Variants in SLC22A15 observed in about 807,000 individuals in gnomAD.
The protein encoded by SLC22A15 is solute carrier family 22 member 15, also known as flipt 1.
A neutral mutation model predicts 62.7 loss-of-function variants in SLC22A15; 45 were observed. The ratio of observed to expected loss-of-function variants is 0.72; its 90% CI spans 0.56 to 0.92. The LOEUF is 0.92. Ranked by LOEUF, SLC22A15 falls within the 40% of genes least tolerant of loss-of-function variation. The pLI is 0.00. For missense variants in SLC22A15, 622 were observed against 665.6 expected (o/e 0.93, Z 0.72); for synonymous variants, 264 against 267.0 (o/e 0.99, Z 0.11).
intron 1 of SLC22A15, 109 bp downstream of exon 1, chr1:115,976,823 C>CA (rs1557865142): frequency 2.4e-6 from 2 of 845,290 alleles, no homozygotes; most frequent in Non-Finnish European, 3.6e-6. Flanking sequence ...CGAGGCTCTG[C>CA]AAACACCGAG....
intron 8 of SLC22A15, among the ~76,000 whole-genome samples, chr1:116,045,738 CAAAAAAAAAA>C (rs34360597): frequency 4.9e-5 from 5 of 101,704 alleles, no homozygotes; most frequent in Non-Finnish European, 7.4e-5. Context: ...GACTCCATCT[CAAAAAAAAAA>C]AAAAAAAAAG....
chr1:116,056,482 A>G (rs1658210939), intron 8 of SLC22A15, among the ~76,000 whole-genome samples: 1 of 151,272 alleles, frequency 6.6e-6, no homozygotes, highest in Non-Finnish European at 1.5e-5. Flanking sequence ...CATACTGCCC[A>G]AGGTAATTTA....
In SLC22A15 at chr1:116,027,307, C is replaced by T. The variant is rs148133538; in HGVS notation, c.728+285C>T. 215 of 557,076 alleles carry T rather than the reference C, an allele frequency of 3.9e-4. 3 individuals are homozygous for T. The highest frequency in any genetic ancestry group is 3.7e-3 in the African/African-American group (199 of 53,644). The allele number at this position is 557,076 out of a possible 1,614,324, so 34.5% of individuals were successfully genotyped here. The stretch of plus-strand genomic sequence containing the variant: ...AACCAATTGCTTTTTTAACCTAATA[C>T]CTCAACCTTAAAGGTCTTCAGACTG... On this transcript the variant is annotated intron_variant, in intron 5 of 11. Transcript: ENST00000369503.
At chr1:116,018,267 A>G (rs544628815) in intron 2 of SLC22A15, among the ~76,000 whole-genome samples, 7 of 152,166 alleles carry the variant, frequency 4.6e-5, no homozygotes, top group African/African-American at 1.7e-4. Context: ...ATCATGCTAT[A>G]TTTGTGTTTC....
intron 4 of SLC22A15, among the ~76,000 whole-genome samples, chr1:116,021,781 T>C (rs1010867923): frequency 1.3e-5 from 2 of 152,216 alleles, no homozygotes; most frequent in African/African-American, 2.4e-5. Context: ...ATTTTATGGA[T>C]GATGAAATTG....
chr1:116,029,439 C>T (rs943608683), intron 5 of SLC22A15, among the ~76,000 whole-genome samples: 1 of 152,094 alleles, frequency 6.6e-6, no homozygotes, highest in African/African-American at 2.4e-5. Context: ...ATGTAGAGGA[C>T]GGCATGTTCA....
chr1:115,982,890 C>T (rs1373981576), intron 1 of SLC22A15, among the ~76,000 whole-genome samples: 3 of 152,320 alleles, frequency 2.0e-5, no homozygotes, highest in South Asian at 2.1e-4. Flanking sequence ...TGTTTCTGCC[C>T]TCTTGCTAGG....
At chr1:116,058,335 A>G (rs114891221) in intron 8 of SLC22A15, among the ~76,000 whole-genome samples, 2,756 of 152,324 alleles carry the variant, frequency 0.018, 35 homozygotes, top group Middle Eastern at 0.065. Flanking sequence ...TCAAAAGAAG[A>G]TATACAGATG....
At chr1:116,010,292 G>C (rs1314431575) in intron 2 of SLC22A15, among the ~76,000 whole-genome samples, 1 of 152,168 alleles carries the variant, frequency 6.6e-6, no homozygotes, top group Non-Finnish European at 1.5e-5. Flanking sequence ...TTGAAGAGCT[G>C]AAATTGACTG....
intron 1 of SLC22A15, among the ~76,000 whole-genome samples, chr1:115,980,421 T>G (rs1654554689): frequency 1.3e-5 from 2 of 152,124 alleles, no homozygotes; most frequent in South Asian, 2.1e-4. Flanking sequence ...ATAACAAAAG[T>G]TAGAACCACC....
chr1:115,987,943 T>C (rs1402517830), intron 1 of SLC22A15, among the ~76,000 whole-genome samples: 1 of 152,220 alleles, frequency 6.6e-6, no homozygotes, highest in East Asian at 1.9e-4. Context: ...GATGAGATAA[T>C]TTATAGGAGA....
rs1654963079 is a variant in SLC22A15, at chr1:115,988,098, A to G, written c.88-3933A>G. On this transcript the variant is annotated intron_variant, in intron 1 of 11. Coordinates refer to ENST00000369503, the MANE Select transcript of SLC22A15 (RefSeq NM_018420.3). Reference sequence around the variant, plus strand: ...TTTTTCTAATTATAATTACATTGAAAGGGGGAAAAAAATCCAGCCATCTGT... The same window carrying G: ...TTTTTCTAATTATAATTACATTGAAGGGGGGAAAAAAATCCAGCCATCTGT... Among the ~76,000 whole-genome samples the G allele has an allele frequency of 2.6e-5, 4 of 152,188 alleles. No homozygotes were observed. In the South Asian group the frequency reaches 8.3e-4, roughly 32 times the overall value.
intron 2 of SLC22A15, among the ~76,000 whole-genome samples, chr1:116,018,169 T>G (rs1656634729): frequency 6.6e-6 from 1 of 152,174 alleles, no homozygotes; most frequent in Non-Finnish European, 1.5e-5. Context: ...TAATTCCCTG[T>G]TCCCCCCTCC....
chr1:116,053,931 T>C (rs1243346692), intron 8 of SLC22A15, among the ~76,000 whole-genome samples: 1 of 151,832 alleles, frequency 6.6e-6, no homozygotes, highest in Non-Finnish European at 1.5e-5. Context: ...GAACAACCGG[T>C]ACCAGCCGCT....
chr1:116,044,356 T>C (rs756285648), intron 8 of SLC22A15, among the ~76,000 whole-genome samples: 51 of 152,208 alleles, frequency 3.4e-4, no homozygotes, highest in Non-Finnish European at 6.2e-4. Flanking sequence ...TCCTAGCACT[T>C]TGGGAGGCCG....
intron 1 of SLC22A15, among the ~76,000 whole-genome samples, 180 bp downstream of exon 1, chr1:115,976,894 G>C (rs1036794878): frequency 1.1e-4 from 17 of 152,122 alleles, no homozygotes; most frequent in African/African-American, 3.9e-4. Context: ...GGGCCCGGCC[G>C]GCAGCGTCAA....
intron 4 of SLC22A15, among the ~76,000 whole-genome samples, chr1:116,021,456 A>G (rs1656833511): frequency 6.6e-6 from 1 of 152,246 alleles, no homozygotes; most frequent in South Asian, 2.1e-4. Flanking sequence ...TTTAATTTCA[A>G]ATATTGTCAT....
At chr1:116,048,998 C>T (rs543291847) in intron 8 of SLC22A15, among the ~76,000 whole-genome samples, 2 of 152,254 alleles carry the variant, frequency 1.3e-5, no homozygotes, top group South Asian at 4.1e-4. Flanking sequence ...TTAAAAGAGA[C>T]AAAGAGGGAC....
chr1:116,037,797 C>T (rs1431271438), intron 8 of SLC22A15, among the ~76,000 whole-genome samples: 1 of 152,174 alleles, frequency 6.6e-6, no homozygotes, highest in East Asian at 1.9e-4. Context: ...TTTGGTACCC[C>T]TCAAATCTCC....
Sources: gnomAD v4.1 joint callset for allele counts (sites outside exome capture counted in the v4.1 genomes callset) on GRCh38, gnomAD v4.1.1 for gene constraint, MANE v1.5 for transcripts, NCBI Gene and HGNC (gene_info 2026-07-23, HGNC 2026-07-21) for gene names.